The following ELMO1 variants were observed in gnomAD, a reference collection of about 807,000 sequenced individuals.
ELMO1 encodes engulfment and cell motility protein 1.
Under a neutral mutation model 98.9 loss-of-function variants are expected in ELMO1, and 26 were observed. That is an observed-to-expected ratio of 0.26 (90% CI 0.19 to 0.36). The LOEUF (loss-of-function observed/expected upper bound fraction) is 0.36. Ranked by LOEUF, ELMO1 falls within the 10% of genes least tolerant of loss-of-function variation. The pLI is 1.00. For synonymous variants in ELMO1, 346 were observed against 346.0 expected, an observed-to-expected ratio of 1.00 and a Z score of 0.00; for missense variants, 627 against 935.2, an observed-to-expected ratio of 0.67 and a Z score of 4.30.
chr7:37,110,937 C>T (rs1197194465), intron 14 of ELMO1, among the ~76,000 whole-genome samples: 3 of 152,184 alleles, frequency 2.0e-5, no homozygotes, highest in South Asian at 2.1e-4. Flanking sequence ...AGAATTCCTA[C>T]ATCAAATACA....
At chr7:37,200,237 C>A (rs1792210565) in intron 13 of ELMO1, among the ~76,000 whole-genome samples, 1 of 109,226 alleles carries the variant, frequency 9.2e-6, no homozygotes, top group East Asian at 3.0e-4. Context: ...CCAGGCCAAG[C>A]TAATTAATTT....
At position 36,934,602 on chromosome 7, in the gene ELMO1, C is replaced by T. The variant is rs115183941; in HGVS notation, c.1438-39585G>A. Among the ~76,000 whole-genome samples the T allele has an allele frequency of 4.9e-3, 740 of 152,254 alleles. 5 individuals carry two copies. The highest frequency in any genetic ancestry group is 0.017 in the African/African-American group (703 of 41,540). ...TAATTGAAATGGAAATGCAAACATG[C>T]GCTTTTGATGATTAGGAGATGAAAA... On this transcript the variant is annotated intron_variant, in intron 16 of 21. Transcript: ENST00000310758.
At chr7:37,075,313 ATT>A (rs750539995) in intron 15 of ELMO1, among the ~76,000 whole-genome samples, 4 of 138,400 alleles carry the variant, frequency 2.9e-5, no homozygotes, top group Non-Finnish European at 3.2e-5. Flanking sequence ...CACCCGGCTA[ATT>A]TTTTTTTTTT....
chr7:37,074,133 A>C (rs1797431619), intron 15 of ELMO1, among the ~76,000 whole-genome samples: 1 of 148,200 alleles, frequency 6.7e-6, no homozygotes, highest in African/African-American at 2.4e-5. Context: ...ATATATTTAT[A>C]TATCAATATA....
chr7:37,305,860 C>T (rs2131048369), intron 4 of ELMO1, among the ~76,000 whole-genome samples: 1 of 152,290 alleles, frequency 6.6e-6, no homozygotes, highest in South Asian at 2.1e-4. Flanking sequence ...AGTTAAACAA[C>T]AGTTCAAGAC....
chr7:37,076,258 G>C (rs1191602485), intron 15 of ELMO1, among the ~76,000 whole-genome samples: 1 of 151,886 alleles, frequency 6.6e-6, no homozygotes, highest in African/African-American at 2.4e-5. Context: ...TATTTCTTGA[G>C]ATAAAAAGCC....
At chr7:36,985,546 C>A (rs867878844) in intron 16 of ELMO1, among the ~76,000 whole-genome samples, 1 of 152,164 alleles carries the variant, frequency 6.6e-6, no homozygotes, top group Non-Finnish European at 1.5e-5. Flanking sequence ...CGGCTCCGGG[C>A]TCCGTGCCTG....
intron 10 of ELMO1, among the ~76,000 whole-genome samples, chr7:37,221,387 C>T (rs770725041): frequency 2.6e-5 from 4 of 152,184 alleles, no homozygotes; most frequent in African/African-American, 7.2e-5. Context: ...TTCTTCTAAA[C>T]GAACTCACTG....
At chr7:37,394,152 T>C (rs1434355529) in intron 1 of ELMO1, among the ~76,000 whole-genome samples, 1 of 152,170 alleles carries the variant, frequency 6.6e-6, no homozygotes, top group South Asian at 2.1e-4. Context: ...TGTTGGACAA[T>C]ACCCTGCCCC....
intron 4 of ELMO1, among the ~76,000 whole-genome samples, chr7:37,307,068 C>T (rs890435879): frequency 4.6e-5 from 7 of 152,324 alleles, no homozygotes. Flanking sequence ...AATTATCTTT[C>T]TCATTGCAGC....
At chr7:37,436,557 G>T (rs1233869541) in intron 1 of ELMO1, among the ~76,000 whole-genome samples, 2 of 152,218 alleles carry the variant, frequency 1.3e-5, no homozygotes, top group Non-Finnish European at 2.9e-5. Flanking sequence ...GGGCATTTTA[G>T]TGTCTAGATG....
chr7:36,973,202 G>A (rs1790130795), intron 16 of ELMO1, among the ~76,000 whole-genome samples: 1 of 152,188 alleles, frequency 6.6e-6, no homozygotes, highest in Non-Finnish European at 1.5e-5. Flanking sequence ...CCAGAGCATG[G>A]TGCAGGCTCC....
intron 5 of ELMO1, chr7:37,271,062 C>A (rs577844144): frequency 6.6e-6 from 1 of 152,310 alleles, no homozygotes; most frequent in South Asian, 2.1e-4. Flanking sequence ...GCCTTAGCCT[C>A]CCGAGTAGCT....
chr7:36,957,722 T>G (rs145046279), intron 16 of ELMO1, among the ~76,000 whole-genome samples: 1 of 152,216 alleles, frequency 6.6e-6, no homozygotes, highest in East Asian at 1.9e-4. Flanking sequence ...GCCCATTCTG[T>G]GGAGTCCTGA....
chr7:37,129,675 G>T (rs1416742763), intron 14 of ELMO1, among the ~76,000 whole-genome samples: 2 of 152,150 alleles, frequency 1.3e-5, no homozygotes, highest in Non-Finnish European at 1.5e-5. Context: ...CACTACCCTA[G>T]TTCAAGTTAT....
chr7:37,225,013 G>A lies in ELMO1; in HGVS notation c.567C>T (p.Asn189=). The A allele has an allele frequency of 1.9e-6, 3 of 1,614,082 alleles. No individual in the cohort carries two copies. The highest frequency in any genetic ancestry group is 1.7e-6 in the Non-Finnish European group (2 of 1,179,980). ...GGATCGAGATGTCTATGGCTGACTT[G>A]TTCACAAAACTTGCTATCTGAAAAT... ...AFIKKIASFV[N]KSAIDISILQ... The change falls in exon 9 of 22, where the codon AAC becomes AAT. Residue 189 remains asparagine (N), a synonymous_variant. Coordinates refer to ENST00000310758, the MANE Select transcript of ELMO1 (RefSeq NM_014800.11).
At chr7:37,216,038 C>T (rs1584822170) in intron 11 of ELMO1, among the ~76,000 whole-genome samples, 1 of 148,502 alleles carries the variant, frequency 6.7e-6, no homozygotes. Flanking sequence ...AATCAACCTG[C>T]TTCTTTCAAG....
intron 16 of ELMO1, among the ~76,000 whole-genome samples, chr7:36,939,235 CAG>C (rs1175337494): frequency 1.3e-5 from 2 of 152,022 alleles, no homozygotes; most frequent in African/African-American, 4.8e-5. Flanking sequence ...TTACCGAAGA[CAG>C]AGTCTAAGAT....
chr7:37,252,534 A>T (rs1795408814), intron 6 of ELMO1, among the ~76,000 whole-genome samples: 1 of 152,260 alleles, frequency 6.6e-6, no homozygotes, highest in Non-Finnish European at 1.5e-5. Flanking sequence ...CCATATGCAG[A>T]AAACTAAAAC....
Sources: allele counts gnomAD v4.1 joint callset (sites outside exome capture counted in the v4.1 genomes callset), GRCh38; gene constraint gnomAD v4.1.1; transcripts MANE v1.5; gene names NCBI Gene and HGNC (gene_info 2026-07-23, HGNC 2026-07-21).